The following C8orf76 variants were observed in gnomAD, a reference collection of about 807,000 sequenced individuals.
The protein encoded by C8orf76 is chromosome 8 open reading frame 76.
C8orf76 carries 46 observed loss-of-function variants against 38.1 expected under a neutral mutation model. That is an observed-to-expected ratio of 1.21 (90% CI 0.95 to 1.54). The LOEUF (loss-of-function observed/expected upper bound fraction) is 1.54. C8orf76 is among the 40% of genes most tolerant of loss of function. The probability of loss-of-function intolerance (pLI) is 0.00; values close to 1 mark genes in which losing one functional copy is unlikely to be tolerated. For missense variants in C8orf76, 461 were observed against 441.6 expected (o/e 1.04, Z -0.39); for synonymous variants, 166 against 167.5 (o/e 0.99, Z 0.07).
intron 3 of C8orf76, among the ~76,000 whole-genome samples, chr8:123,235,597 T>A (rs759614627): frequency 5.8e-4 from 89 of 152,190 alleles, no homozygotes; most frequent in Non-Finnish European, 7.4e-4. Context: ...CACCTGACAG[T>A]CCTGCCCAAC....
chr8:123,236,036 C>T (rs1825463087), intron 3 of C8orf76, among the ~76,000 whole-genome samples: 1 of 152,172 alleles, frequency 6.6e-6, no homozygotes, highest in South Asian at 2.1e-4. Flanking sequence ...AGCTTAAGCA[C>T]TAACCCCCAA....
intron 1 of C8orf76, among the ~76,000 whole-genome samples, chr8:123,240,978 G>A (rs1232994797): frequency 2.0e-5 from 3 of 152,250 alleles, no homozygotes; most frequent in Non-Finnish European, 4.4e-5. Flanking sequence ...CCAGCCGGCA[G>A]CAGCCAGGCC....
At chr8:123,230,697 C>T (rs1825222253) in intron 4 of C8orf76, among the ~76,000 whole-genome samples, 1 of 151,100 alleles carries the variant, frequency 6.6e-6, no homozygotes, top group South Asian at 2.1e-4. Flanking sequence ...TGTCGCCAGG[C>T]TGGAGTGCAG....
At chr8:123,237,682 C>CTTA in intron 3 of C8orf76, 116 bp downstream of exon 3, 1 of 1,358,878 alleles carries the variant, frequency 7.4e-7, no homozygotes, top group Non-Finnish European at 9.6e-7. Flanking sequence ...TTTTCTTCTG[C>CTTA]TTATCCAAAC....
intron 1 of C8orf76, 57 bp downstream of exon 1, chr8:123,241,173 C>A: frequency 1.3e-6 from 2 of 1,493,260 alleles, no homozygotes; most frequent in South Asian, 2.5e-5. Flanking sequence ...GGGCCGGGGC[C>A]CCGCGGAGGG....
At chr8:123,226,412 T>C in intron 5 of C8orf76, 88 bp downstream of exon 5, 1 of 1,559,136 alleles carries the variant, frequency 6.4e-7, no homozygotes, top group South Asian at 1.2e-5. Flanking sequence ...GTAGATTAAA[T>C]TTGGCCCTGC....
chr8:123,230,009 C>T (rs529034236), intron 4 of C8orf76, among the ~76,000 whole-genome samples: 4 of 151,530 alleles, frequency 2.6e-5, no homozygotes, highest in African/African-American at 2.4e-5. Flanking sequence ...AGAGCAACTC[C>T]GTCTCAAAAA....
In C8orf76 at chr8:123,231,596, A is replaced by T. The variant is rs760016998; in HGVS notation, c.519T>A (p.Ala173=). 5 of 1,614,268 alleles carry T rather than the reference A, an allele frequency of 3.1e-6. No individual in the cohort carries two copies. In the East Asian group the frequency reaches 1.1e-4, roughly 36 times the overall value. ...NPWNWGKLAE[A]YLNLGPALSA... ...AAAGAGCTGGCCCCAGATTCAGGTA[A>T]GCCTCTGCCAATTTGCCCCAGTTCC... Residue 173 remains alanine, a synonymous_variant, in exon 4 of 6, where the codon GCT becomes GCA. Coordinates refer to ENST00000276704, the MANE Select transcript of C8orf76 (RefSeq NM_032847.3).
chr8:123,239,852 C>A (rs11985857), intron 1 of C8orf76: 1 of 151,786 alleles, frequency 6.6e-6, no homozygotes, highest in South Asian at 2.1e-4. Flanking sequence ...ATTAGGCCGG[C>A]ATGGTGGCAC....
At chr8:123,220,878 G>A (rs941923108) in intron 5 of C8orf76, among the ~76,000 whole-genome samples, 2 of 152,164 alleles carry the variant, frequency 1.3e-5, no homozygotes, top group African/African-American at 2.4e-5. Flanking sequence ...CACAAAGTTA[G>A]GTTGTAGAAA....
At chr8:123,234,220 T>C (rs987549574) in intron 3 of C8orf76, among the ~76,000 whole-genome samples, 2 of 152,026 alleles carry the variant, frequency 1.3e-5, no homozygotes, top group Non-Finnish European at 2.9e-5. Flanking sequence ...ATTTTCCTTA[T>C]GTTACAGATA....
intron 4 of C8orf76, among the ~76,000 whole-genome samples, chr8:123,229,585 G>A (rs1825169006): frequency 6.6e-6 from 1 of 152,212 alleles, no homozygotes; most frequent in South Asian, 2.1e-4. Context: ...GAGTGAGTGA[G>A]GGGCATAAGG....
At chr8:123,239,238 C>T in intron 1 of C8orf76, 94 bp from the exon 2 acceptor site, 1 of 1,332,528 alleles carries the variant, frequency 7.5e-7, no homozygotes, top group Non-Finnish European at 1.1e-6. Flanking sequence ...GATTAAACGT[C>T]AAAAAAAGAC....
At chr8:123,239,176 T>C (rs1825596453) in intron 1 of C8orf76, 32 bp from the exon 2 acceptor site, 3 of 1,603,936 alleles carry the variant, frequency 1.9e-6, no homozygotes, top group South Asian at 2.2e-5. Flanking sequence ...TATTACAGAG[T>C]GAGCTATGCT....
intron 5 of C8orf76, among the ~76,000 whole-genome samples, chr8:123,222,148 C>T (rs930896428): frequency 6.6e-6 from 1 of 152,130 alleles, no homozygotes; most frequent in African/African-American, 2.4e-5. Flanking sequence ...GCCACCAGGC[C>T]TGGCTAATTT....
chr8:123,220,991 T>C (rs546432221), intron 5 of C8orf76, among the ~76,000 whole-genome samples: 57 of 152,332 alleles, frequency 3.7e-4, no homozygotes, highest in African/African-American at 1.3e-3. Context: ...CGAAAGCTTA[T>C]GTAGTCATGG....
At chr8:123,227,469 G>C (rs540914948) in intron 4 of C8orf76, among the ~76,000 whole-genome samples, 2 of 152,184 alleles carry the variant, frequency 1.3e-5, no homozygotes, top group Admixed American at 1.3e-4. Flanking sequence ...ATTTCAGGTA[G>C]TGACAAGTGC....
chr8:123,235,290 C>G (rs111876958), intron 3 of C8orf76, among the ~76,000 whole-genome samples: 4 of 152,034 alleles, frequency 2.6e-5, no homozygotes, highest in Non-Finnish European at 5.9e-5. Context: ...AAATTGTGAA[C>G]AGAAAATGTT....
At chr8:123,240,449 G>A (rs1825642039) in intron 1 of C8orf76, among the ~76,000 whole-genome samples, 1 of 152,224 alleles carries the variant, frequency 6.6e-6, no homozygotes, top group African/African-American at 2.4e-5. Flanking sequence ...CCACCACAGT[G>A]CCCGGAACAC....
Sources: gnomAD v4.1 joint callset for allele counts (sites outside exome capture counted in the v4.1 genomes callset) on GRCh38, gnomAD v4.1.1 for gene constraint, MANE v1.5 for transcripts, NCBI Gene and HGNC (gene_info 2026-07-23, HGNC 2026-07-21) for gene names.